Variants in ADAMTSL1 observed in about 807,000 individuals in gnomAD.
The protein encoded by ADAMTSL1 is ADAMTS like 1.
In ADAMTSL1, 126 loss-of-function variants were observed where a neutral mutation model predicts 201.8. That is an observed-to-expected ratio of 0.62 (90% CI 0.54 to 0.72). ADAMTSL1 has a LOEUF of 0.72. ADAMTSL1 is among the 30% of genes least tolerant of loss of function. ADAMTSL1 has a pLI of 0.00. For missense variants in ADAMTSL1, 2,679 were observed against 2,277.8 expected, an observed-to-expected ratio of 1.18 and a Z score of -3.59; for synonymous variants, 1,121 against 903.4, an observed-to-expected ratio of 1.24 and a Z score of -4.32.
intron 26 of ADAMTSL1, among the ~76,000 whole-genome samples, chr9:18,902,423 A>G (rs1830065181): frequency 5.3e-5 from 8 of 151,964 alleles, no homozygotes; most frequent in Admixed American, 5.2e-4. Flanking sequence ...TTCCAACCAC[A>G]GGGAAGGAAA....
chr9:18,181,892 G>A (rs1828495964), intron 2 of ADAMTSL1, among the ~76,000 whole-genome samples: 2 of 152,220 alleles, frequency 1.3e-5, no homozygotes, highest in East Asian at 1.9e-4. Context: ...CAACCCAAAT[G>A]TCCAACAAAG....
chr9:18,850,176 C>T (rs1378689813), intron 23 of ADAMTSL1, among the ~76,000 whole-genome samples: 1 of 152,208 alleles, frequency 6.6e-6, no homozygotes, highest in Admixed American at 6.5e-5. Context: ...AGAAAACGCA[C>T]TCACACTTGC....
intron 1 of ADAMTSL1, among the ~76,000 whole-genome samples, chr9:17,925,922 G>A (rs952198101): frequency 1.3e-4 from 20 of 151,974 alleles, no homozygotes; most frequent in African/African-American, 3.6e-4. Context: ...GAGAATACGT[G>A]CTGCTCAATA....
At chr9:18,708,279 A>G (rs150107856) in intron 14 of ADAMTSL1, among the ~76,000 whole-genome samples, 123 of 152,342 alleles carry the variant, frequency 8.1e-4, no homozygotes, top group African/African-American at 2.9e-3. Flanking sequence ...CAAAGAATCA[A>G]TTTTCTCCAG....
In ADAMTSL1 at chr9:18,834,005, T is replaced by C. The variant is rs10963790; in HGVS notation, c.4249+4028T>C. 8.7e-3 allele frequency among the ~76,000 whole-genome samples: 1,332 copies of C among 152,298 alleles called. 7 individuals are homozygous for C. Among genetic ancestry groups the C allele is most frequent in the Non-Finnish European group, 0.015 (1,015 of 68,024 alleles). The stretch of plus-strand genomic sequence containing the variant: ...CGAAGATTAGATGGTAGTAGGTATA[T>C]GGCCTTATTTCTGGGTTCTCTATTC... On this transcript the variant is annotated intron_variant, in intron 23 of 28. Transcript: ENST00000380548.
chr9:18,345,693 A>G (rs1042955020), intron 2 of ADAMTSL1, among the ~76,000 whole-genome samples: 1 of 152,136 alleles, frequency 6.6e-6, no homozygotes, highest in African/African-American at 2.4e-5. Flanking sequence ...GGCAAGCACC[A>G]CTGGAGAATA....
intron 1 of ADAMTSL1, among the ~76,000 whole-genome samples, chr9:18,059,242 C>G (rs1370567942): frequency 6.6e-6 from 1 of 152,164 alleles, no homozygotes; most frequent in African/African-American, 2.4e-5. Context: ...ACTGTTAACT[C>G]CTTGCAAAGG....
At chr9:18,254,350 T>G (rs901857081) in intron 2 of ADAMTSL1, among the ~76,000 whole-genome samples, 83 of 47,098 alleles carry the variant, frequency 1.8e-3, no homozygotes, top group African/African-American at 8.4e-3. Context: ...TTTTGGTTTT[T>G]TTTTTTTTTT....
chr9:18,069,998 G>A (rs1822886512), intron 1 of ADAMTSL1, among the ~76,000 whole-genome samples: 1 of 152,168 alleles, frequency 6.6e-6, no homozygotes, highest in South Asian at 2.1e-4. Flanking sequence ...AGGAATTCAG[G>A]TTTAGACATA....
chr9:18,349,485 G>A (rs780291217), intron 2 of ADAMTSL1, among the ~76,000 whole-genome samples: 2 of 152,128 alleles, frequency 1.3e-5, no homozygotes, highest in Non-Finnish European at 2.9e-5. Context: ...CACTTGTTGG[G>A]CTTTGGTTAT....
At chr9:18,496,327 A>G (rs1822533261) in intron 1 of ADAMTSL1, among the ~76,000 whole-genome samples, 1 of 152,244 alleles carries the variant, frequency 6.6e-6, no homozygotes, top group African/African-American at 2.4e-5. Flanking sequence ...AGAAGAAAGC[A>G]TAATATTAAG....
chr9:18,889,676 C>T lies in ADAMTSL1; in HGVS notation c.4571C>T (p.Pro1524Leu). 1.2e-6 allele frequency: 2 copies of T among 1,605,602 alleles called. No homozygotes were observed. The highest frequency in any genetic ancestry group is 2.3e-5 in the East Asian group (1 of 44,358). The change falls in exon 25 of 29, where the codon CCT becomes CTT. Residue 1524 changes from proline to leucine, a missense_variant. By Grantham distance (98) the Pro-to-Leu change is moderately conservative. Coordinates refer to ENST00000380548, the MANE Select transcript of ADAMTSL1 (RefSeq NM_001040272.6). The part of the protein sequence containing the change: ...RCLLNSTEVN[P>L]AHCAGKVRPA... Reference sequence around the variant, plus strand: ...CTGCTGAACAGCACGGAGGTCAACCCTGCCCACTGCGCAGGGAAGGTTCGC... The same window carrying T: ...CTGCTGAACAGCACGGAGGTCAACCTTGCCCACTGCGCAGGGAAGGTTCGC...
At chr9:18,876,583 A>C (rs1049662347) in intron 23 of ADAMTSL1, among the ~76,000 whole-genome samples, 1 of 152,160 alleles carries the variant, frequency 6.6e-6, no homozygotes, top group African/African-American at 2.4e-5. Context: ...ATAGGACCCC[A>C]ATCACTTCTA....
intron 1 of ADAMTSL1, among the ~76,000 whole-genome samples, chr9:18,158,463 G>T (rs189914357): frequency 2.4e-4 from 37 of 151,908 alleles, no homozygotes; most frequent in Admixed American, 1.7e-3. Flanking sequence ...ATTGAGGGTG[G>T]ATCTGAATCC....
chr9:18,552,517 T>C (rs981610141), intron 3 of ADAMTSL1, among the ~76,000 whole-genome samples: 1 of 151,852 alleles, frequency 6.6e-6, no homozygotes, highest in African/African-American at 2.4e-5. Context: ...AGAGAACATG[T>C]TTTCCTGCTC....
At chr9:18,255,658 A>T (rs1831653850) in intron 2 of ADAMTSL1, among the ~76,000 whole-genome samples, 1 of 152,246 alleles carries the variant, frequency 6.6e-6, no homozygotes, top group Non-Finnish European at 1.5e-5. Flanking sequence ...GGAAATATCT[A>T]TGTTTGCAAA....
chr9:17,909,077 G>A lies in ADAMTSL1; in HGVS notation c.87+2155G>A, dbSNP rs1162881242. ...TGCATTTCTCTGATGGCCAGTGATG[G>A]TGAGCATTTTTTCATGTGTTTTTTG... On this transcript the variant is annotated intron_variant, in intron 1 of 29. Coordinates refer to the ADAMTSL1 transcript ENST00000680146. Among the ~76,000 whole-genome samples, 10 of 147,828 alleles carry A rather than the reference G, an allele frequency of 6.8e-5. No homozygotes were observed. The South Asian group carries it at 9.1e-4, about 13-fold the overall frequency.
chr9:18,696,452 G>A (rs1347967875), intron 13 of ADAMTSL1, among the ~76,000 whole-genome samples: 2 of 152,200 alleles, frequency 1.3e-5, no homozygotes, highest in Non-Finnish European at 2.9e-5. Context: ...ATAACCTTGG[G>A]AGAAAGTTTG....
intron 2 of ADAMTSL1, among the ~76,000 whole-genome samples, chr9:18,251,232 A>G (rs1831453854): frequency 6.6e-6 from 1 of 152,230 alleles, no homozygotes; most frequent in South Asian, 2.1e-4. Flanking sequence ...AGACATATCT[A>G]GAACACACAG....
Sources: gnomAD v4.1 joint callset for allele counts (sites outside exome capture counted in the v4.1 genomes callset) on GRCh38, gnomAD v4.1.1 for gene constraint, MANE v1.5 for transcripts, NCBI Gene and HGNC (gene_info 2026-07-23, HGNC 2026-07-21) for gene names.